The following SEMA3E variants were observed in gnomAD, a reference collection of about 807,000 sequenced individuals.
SEMA3E encodes the protein semaphorin 3E.
Under a neutral mutation model 93.6 loss-of-function variants are expected in SEMA3E, and 49 were observed. The ratio of observed to expected loss-of-function variants is 0.52; its 90% CI spans 0.42 to 0.66. The LOEUF is 0.66. Among genes scored for constraint, SEMA3E ranks in the 30% least tolerant of loss-of-function variants. SEMA3E has a pLI of 0.00. For missense variants in SEMA3E, 906 were observed against 964.8 expected (o/e 0.94, Z 0.81); for synonymous variants, 363 against 330.7 (o/e 1.10, Z -1.06).
intron 1 of SEMA3E, among the ~76,000 whole-genome samples, chr7:83,551,908 T>TA (rs1036870807): frequency 9.2e-5 from 14 of 152,058 alleles, no homozygotes; most frequent in African/African-American, 3.1e-4. Context: ...ATATAGAACA[T>TA]AAAAAACCTC....
chr7:83,472,063 A>AC (rs1050475962), intron 2 of SEMA3E, among the ~76,000 whole-genome samples: 1 of 152,174 alleles, frequency 6.6e-6, no homozygotes, highest in Non-Finnish European at 1.5e-5. Context: ...AGCGATGGAT[A>AC]CCCAGATTGC....
Position 83,408,504 on chromosome 7 carries a change from G to A in SEMA3E, c.551-17C>T, listed in dbSNP as rs771573182. The A allele has an allele frequency of 1.5e-5, 24 of 1,612,908 alleles. No individual in the cohort carries two copies. The highest frequency in any genetic ancestry group is 1.3e-4 in the Admixed American group (8 of 59,842). ...ATTCACTACCTACACGGGAGCATCA[G>A]TAAAAAAGAAGTCAGTATTTGTTAA... On this transcript the variant is annotated splice_polypyrimidine_tract_variant and intron_variant, in intron 5 of 16. Transcript: ENST00000643230.
At chr7:83,607,336 A>C (rs2115567185) in intron 1 of SEMA3E, among the ~76,000 whole-genome samples, 1 of 152,324 alleles carries the variant, frequency 6.6e-6, no homozygotes, top group South Asian at 2.1e-4. Context: ...CAGCCTAACT[A>C]AAATTCTTCT....
intron 4 of SEMA3E, among the ~76,000 whole-genome samples, chr7:83,462,660 C>G (rs56271028): frequency 0.047 from 7,196 of 151,696 alleles, 268 homozygotes; most frequent in African/African-American, 0.097. Context: ...TATCCCATCC[C>G]GCAGCACGCT....
At chr7:83,405,847 C>G (rs1264828095) in intron 8 of SEMA3E, 98 bp downstream of exon 8, 5 of 963,230 alleles carry the variant, frequency 5.2e-6, no homozygotes, top group Non-Finnish European at 8.3e-6. Flanking sequence ...AGATAGAGGT[C>G]AAATACACAG....
At chr7:83,533,917 G>A (rs1468219107) in intron 1 of SEMA3E, among the ~76,000 whole-genome samples, 1 of 152,176 alleles carries the variant, frequency 6.6e-6, no homozygotes, top group African/African-American at 2.4e-5. Context: ...ACTCAGCCAT[G>A]ATTGCATTTC....
chr7:83,541,484 G>C (rs535611655), intron 1 of SEMA3E, among the ~76,000 whole-genome samples: 1 of 143,378 alleles, frequency 7.0e-6, no homozygotes, highest in African/African-American at 2.5e-5. Context: ...TTTGGTACTG[G>C]GAGCCTCACT....
In SEMA3E at chr7:83,367,858, C is replaced by T. The variant is rs772478336; in HGVS notation, c.2056G>A (p.Asp686Asn). 6 of 1,612,816 alleles carry T rather than the reference C, an allele frequency of 3.7e-6. No homozygotes were observed. The East Asian group carries it at 8.9e-5, about 24-fold the overall frequency. The change falls in exon 17 of 17, where the codon GAT becomes AAT. Residue 686 changes from aspartate to asparagine, a missense_variant. Physicochemically the swap from Asp to Asn is conservative, Grantham distance 23. Coordinates refer to ENST00000643230, the MANE Select transcript of SEMA3E (RefSeq NM_012431.3). ...ATCCTGTGATGCCTGTCCTCCTCAT[C>T]GTCCTTGTTAAACATATCCTCGACT... ...EKVEDMFNKDDEEDRHHRMPC... is the reference protein window; with the variant it reads ...EKVEDMFNKDNEEDRHHRMPC...
intron 1 of SEMA3E, among the ~76,000 whole-genome samples, chr7:83,584,637 C>G (rs915876994): frequency 5.9e-5 from 9 of 152,064 alleles, no homozygotes; most frequent in African/African-American, 2.2e-4. Flanking sequence ...CTACGCCTTC[C>G]CCACTTTTCT....
chr7:83,596,343 C>G (rs958493223), intron 1 of SEMA3E, among the ~76,000 whole-genome samples: 3 of 152,000 alleles, frequency 2.0e-5, no homozygotes, highest in Admixed American at 1.3e-4. Flanking sequence ...ATTTCAACCA[C>G]TTCTCCAAGG....
intron 1 of SEMA3E, among the ~76,000 whole-genome samples, chr7:83,628,661 G>T (rs1336050124): frequency 6.6e-6 from 1 of 151,648 alleles, no homozygotes; most frequent in African/African-American, 2.4e-5. Context: ...CTCTAAACTG[G>T]TTATTCTAGT....
intron 14 of SEMA3E, among the ~76,000 whole-genome samples, chr7:83,387,560 A>G (rs1787905668): frequency 6.6e-6 from 1 of 152,006 alleles, no homozygotes; most frequent in African/African-American, 2.4e-5. Context: ...TAACAATAAG[A>G]CATAAACTAA....
chr7:83,524,386 C>G (rs1349915015), intron 1 of SEMA3E, among the ~76,000 whole-genome samples: 1 of 152,074 alleles, frequency 6.6e-6, no homozygotes, highest in African/African-American at 2.4e-5. Context: ...AATCTGAGAC[C>G]TATCTTATAT....
At position 83,396,694 on chromosome 7, in the gene SEMA3E, T is replaced by A; in HGVS notation, c.1402A>T (p.Asn468Tyr). The change falls in exon 12 of 17, where the codon AAC becomes TAC. Residue 468 changes from asparagine (N) to tyrosine (Y), a missense_variant. By Grantham distance (143) the Asn-to-Tyr change is moderately radical. Coordinates refer to ENST00000643230, the MANE Select transcript of SEMA3E (RefSeq NM_012431.3). ...GIVLKVITIYNQEMESMEEVI... is the reference protein window; with the variant it reads ...GIVLKVITIYYQEMESMEEVI... ...TCTTCCATTGATTCCATTTCTTGGT[T>A]GTAAATTGTGATTACTTTCAGCACA... The A allele has an allele frequency of 6.2e-7, 1 of 1,606,616 alleles. No individual in the cohort carries two copies. Among genetic ancestry groups the A allele is most frequent in the Non-Finnish European group, 8.5e-7 (1 of 1,174,590 alleles).
chr7:83,539,529 T>C (rs1209383816), intron 1 of SEMA3E, among the ~76,000 whole-genome samples: 1 of 152,208 alleles, frequency 6.6e-6, no homozygotes, highest in Non-Finnish European at 1.5e-5. Context: ...TAGACTGAAT[T>C]GGCTCTAAGC....
At chr7:83,427,042 T>G (rs1788786304) in intron 4 of SEMA3E, among the ~76,000 whole-genome samples, 2 of 152,094 alleles carry the variant, frequency 1.3e-5, no homozygotes, top group African/African-American at 4.8e-5. Context: ...AATCAAAGAT[T>G]GAAATATAAA....
At chr7:83,512,012 C>T (rs1007793253) in intron 1 of SEMA3E, among the ~76,000 whole-genome samples, 10 of 152,020 alleles carry the variant, frequency 6.6e-5, no homozygotes, top group South Asian at 2.1e-4. Flanking sequence ...TCTGTTATTT[C>T]GGTACAAGAG....
chr7:83,469,586 C>A lies in SEMA3E; in HGVS notation c.277-284G>T, dbSNP rs116260498. Among the ~76,000 whole-genome samples the A allele has an allele frequency of 4.4e-3, 664 of 152,138 alleles. 7 individuals are homozygous for A. The highest frequency in any genetic ancestry group is 0.015 in the African/African-American group (605 of 41,512). ...GAGGACAGCCATGCCTTAACTAGCC[C>A]TTTCCCATGTTAAACCTGAGTGGTG... On this transcript the variant is annotated intron_variant, in intron 2 of 16. Transcript: ENST00000643230.
intron 1 of SEMA3E, among the ~76,000 whole-genome samples, chr7:83,639,978 C>T (rs575461130): frequency 2.0e-5 from 3 of 152,078 alleles, no homozygotes; most frequent in Non-Finnish European, 4.4e-5. Flanking sequence ...AAAAAGCAAT[C>T]AGGAGGAGTA....
Sources: gnomAD v4.1 joint callset for allele counts (sites outside exome capture counted in the v4.1 genomes callset) on GRCh38, gnomAD v4.1.1 for gene constraint, MANE v1.5 for transcripts, NCBI Gene and HGNC (gene_info 2026-07-23, HGNC 2026-07-21) for gene names.